Variants in SLC13A4 observed in about 807,000 individuals in gnomAD.
SLC13A4 encodes solute carrier family 13 member 4, also known as Na(+)/sulfate cotransporter SUT-1.
SLC13A4 carries 28 observed loss-of-function variants against 72.7 expected under a neutral mutation model. The observed-to-expected ratio is 0.39, with a 90% CI of 0.29 to 0.53. The LOEUF (loss-of-function observed/expected upper bound fraction) is 0.53. Ranked by LOEUF, SLC13A4 falls within the 20% of genes least tolerant of loss-of-function variation. SLC13A4 has a pLI of 0.78. For synonymous variants in SLC13A4, 312 were observed against 325.5 expected (o/e 0.96, Z 0.45); for missense variants, 653 against 788.0 (o/e 0.83, Z 2.05).
At chr7:135,708,390 T>G in intron 2 of SLC13A4, 140 bp from the exon 3 acceptor site, 1 of 1,164,906 alleles carries the variant, frequency 8.6e-7, no homozygotes, top group Non-Finnish European at 1.2e-6. Context: ...GGGGTGAGGA[T>G]TATTGAAATA....
At chr7:135,719,473 C>T (rs1230598990) in intron 2 of SLC13A4, among the ~76,000 whole-genome samples, 1 of 152,108 alleles carries the variant, frequency 6.6e-6, no homozygotes, top group East Asian at 1.9e-4. Context: ...CCTGCCCTTG[C>T]TGGTTTTAAT....
At chr7:135,710,510 T>C (rs1368898387) in intron 2 of SLC13A4, among the ~76,000 whole-genome samples, 1 of 148,490 alleles carries the variant, frequency 6.7e-6, no homozygotes, top group East Asian at 2.0e-4. Flanking sequence ...CATATGGGAA[T>C]GGAGCTTAAT....
chr7:135,708,380 G>C, intron 2 of SLC13A4, 130 bp from the exon 3 acceptor site: 1 of 1,278,260 alleles, frequency 7.8e-7, no homozygotes. Flanking sequence ...GGGAGGCAGG[G>C]GGGTGAGGAT....
chr7:135,697,421 T>C (rs1795926966), intron 8 of SLC13A4, among the ~76,000 whole-genome samples: 2 of 152,140 alleles, frequency 1.3e-5, no homozygotes, highest in African/African-American at 4.8e-5. Flanking sequence ...AGGCCCTTTC[T>C]AACCTTCCTG....
chr7:135,706,707 C>T (rs979284328), intron 3 of SLC13A4, among the ~76,000 whole-genome samples: 3 of 152,150 alleles, frequency 2.0e-5, no homozygotes, highest in African/African-American at 7.2e-5. Context: ...ATTCTGTGAG[C>T]GCCACGGCAC....
chr7:135,687,150 T>C (rs1273451949), intron 13 of SLC13A4, among the ~76,000 whole-genome samples: 7 of 152,304 alleles, frequency 4.6e-5, no homozygotes, highest in Admixed American at 1.3e-4. Flanking sequence ...GCTACCTCCC[T>C]CTCCTAAAAA....
chr7:135,705,279 A>G (rs991410238), intron 5 of SLC13A4: 5 of 297,372 alleles, frequency 1.7e-5, no homozygotes, highest in Non-Finnish European at 3.1e-5. Context: ...CCTAAAAGGG[A>G]CATGAATTTA....
chr7:135,720,194 G>A (rs973833327), intron 2 of SLC13A4, among the ~76,000 whole-genome samples: 1 of 152,162 alleles, frequency 6.6e-6, no homozygotes, highest in Non-Finnish European at 1.5e-5. Flanking sequence ...ACAGTTCTAA[G>A]TAATAACTCC....
chr7:135,704,130 G>T (rs1796106535), intron 5 of SLC13A4: 1 of 152,346 alleles, frequency 6.6e-6, no homozygotes, highest in African/African-American at 2.4e-5. Flanking sequence ...AGGAGAAAAG[G>T]CCACAGTGAG....
At chr7:135,691,496 G>C (rs1248495400) in intron 12 of SLC13A4, 52 bp downstream of exon 12, 5 of 1,546,162 alleles carry the variant, frequency 3.2e-6, no homozygotes, top group Non-Finnish European at 4.5e-6. Flanking sequence ...GTATTAGTCT[G>C]ATTTGGGTAT....
Position 135,692,334 on chromosome 7 carries a change from A to G in SLC13A4, c.1212T>C (p.Ser404=). ...REPGFVPGWD[S]FFEKKGYRTD... ...ATGATATCACTTACTTTTCAAAGAA[A>G]GAATCCCAGCCAGGGACAAAGCCAG... The change falls in exon 11 of 16, where the codon TCT becomes TCC. Residue 404 remains serine, a synonymous_variant. Coordinates refer to ENST00000682651, the MANE Select transcript of SLC13A4 (RefSeq NM_001318192.2). 1 of 1,612,774 alleles carries G rather than the reference A, an allele frequency of 6.2e-7. No homozygotes were observed. Among genetic ancestry groups the G allele is most frequent in the Non-Finnish European group, 8.5e-7 (1 of 1,178,846 alleles).
chr7:135,708,019 A>C, intron 3 of SLC13A4, 95 bp downstream of exon 3: 2 of 1,476,210 alleles, frequency 1.4e-6, no homozygotes, highest in Non-Finnish European at 1.8e-6. Context: ...AAACAGCTGA[A>C]GTGGACATCC....
chr7:135,724,292 C>T (rs1796604824), intron 1 of SLC13A4, among the ~76,000 whole-genome samples: 3 of 152,000 alleles, frequency 2.0e-5, no homozygotes, highest in Admixed American at 6.6e-5. Context: ...GTCAGGAGTT[C>T]GAGACCAGCC....
At position 135,709,604 on chromosome 7, in the gene SLC13A4, T is replaced by C. The variant is rs569617948; in HGVS notation, c.229-1354A>G. 3.9e-5 allele frequency among the ~76,000 whole-genome samples: 6 copies of C among 152,246 alleles called. No individual in the cohort carries two copies. The South Asian group carries it at 1.2e-3, about 32-fold the overall frequency. ...AACTCCTTTCTACTTTTTAATTTAA[T>C]GATGGGGAAGTTGAGACATAGGGCA... On this transcript the variant is annotated intron_variant, in intron 2 of 15. Coordinates refer to ENST00000682651, the MANE Select transcript of SLC13A4 (RefSeq NM_001318192.2).
chr7:135,688,178 G>C (rs1795683983), intron 13 of SLC13A4, among the ~76,000 whole-genome samples: 1 of 151,850 alleles, frequency 6.6e-6, no homozygotes, highest in African/African-American at 2.4e-5. Context: ...GTTTCACCAT[G>C]TTGGCCAGGC....
chr7:135,727,578 A>G lies in SLC13A4; in HGVS notation c.-82T>C, dbSNP rs1381074314. 2.0e-6 allele frequency: 3 copies of G among 1,470,642 alleles called. No homozygotes were observed. Among genetic ancestry groups the G allele is most frequent in the African/African-American group, 2.8e-5 (2 of 71,194 alleles). 91.1% of individuals were successfully genotyped at this position (1,470,642 alleles called of 1,614,324 possible). Reference sequence around the variant, plus strand: ...CCTGCCTGGGCACTGCTCTCTATCCAGAAAGACTTCTTAAACCTTTCTTGG... The same window carrying G: ...CCTGCCTGGGCACTGCTCTCTATCCGGAAAGACTTCTTAAACCTTTCTTGG... On this transcript the variant is annotated 5_prime_UTR_variant, in exon 1 of 16. Coordinates refer to ENST00000682651, the MANE Select transcript of SLC13A4 (RefSeq NM_001318192.2).
chr7:135,726,100 G>A (rs144580604), intron 1 of SLC13A4, among the ~76,000 whole-genome samples: 203 of 152,214 alleles, frequency 1.3e-3, no homozygotes, highest in Admixed American at 0.011. Flanking sequence ...AGATATGAGA[G>A]GTTCCTGATA....
At position 135,692,619 on chromosome 7, in the gene SLC13A4, A is replaced by G. The variant is rs1216772887; in HGVS notation, c.1122-195T>C. Reference sequence around the variant, plus strand: ...GGCCCCAGAAAACATGACATTAACCATGTTCCTGGAGAAACTTCAGTAGAA... The same window carrying G: ...GGCCCCAGAAAACATGACATTAACCGTGTTCCTGGAGAAACTTCAGTAGAA... On this transcript the variant is annotated intron_variant, in intron 10 of 15. Coordinates refer to ENST00000682651, the MANE Select transcript of SLC13A4 (RefSeq NM_001318192.2). The G allele has an allele frequency of 1.1e-5, 6 of 558,390 alleles. No homozygotes were observed. The East Asian group carries it at 1.2e-4, about 11-fold the overall frequency. The allele number at this position is 558,390 out of a possible 1,614,324, so 34.6% of individuals were successfully genotyped here.
intron 1 of SLC13A4, among the ~76,000 whole-genome samples, chr7:135,726,849 T>C (rs1162328852): frequency 2.0e-5 from 3 of 152,196 alleles, no homozygotes; most frequent in African/African-American, 7.2e-5. Context: ...AAACATTCAT[T>C]CCCTGAAGTT....
Sources: gnomAD v4.1 joint callset for allele counts (sites outside exome capture counted in the v4.1 genomes callset) on GRCh38, gnomAD v4.1.1 for gene constraint, MANE v1.5 for transcripts, NCBI Gene and HGNC (gene_info 2026-07-23, HGNC 2026-07-21) for gene names.